The following ZNF589 variants were observed in gnomAD, a reference collection of about 807,000 sequenced individuals.
ZNF589 encodes zinc finger protein 589.
Under a neutral mutation model 13.6 loss-of-function variants are expected in ZNF589, and 17 were observed. The observed-to-expected ratio is 1.25, with a 90% CI of 0.86 to 1.88. The LOEUF (loss-of-function observed/expected upper bound fraction) is 1.88, where lower values mean the gene tolerates loss of function less well. Among genes scored for constraint, ZNF589 ranks in the 40% most tolerant of loss-of-function variants. The pLI is 0.00. For synonymous variants in ZNF589, 148 were observed against 161.6 expected (o/e 0.92, Z 0.64); for missense variants, 407 against 434.0 (o/e 0.94, Z 0.55).
At chr3:48,261,119 T>C (rs1371385986) in intron 3 of ZNF589, among the ~76,000 whole-genome samples, 180 bp downstream of exon 3, 4 of 152,110 alleles carry the variant, frequency 2.6e-5, no homozygotes, top group African/African-American at 4.8e-5. Context: ...AAGCAGCATA[T>C]ATAGGTAAAT....
intron 1 of ZNF589, among the ~76,000 whole-genome samples, chr3:48,243,066 C>CT (rs777522083): frequency 2.1e-5 from 3 of 144,360 alleles, no homozygotes; most frequent in Non-Finnish European, 3.0e-5. Context: ...GAATGAGACT[C>CT]TAAAAAAAAA....
At chr3:48,255,179 CTTT>C (rs375899065) in intron 2 of ZNF589, among the ~76,000 whole-genome samples, 1 of 136,296 alleles carries the variant, frequency 7.3e-6, no homozygotes, top group African/African-American at 2.7e-5. Context: ...GCTATTACTT[CTTT>C]TTTTTTTTTT....
intron 3 of ZNF589, among the ~76,000 whole-genome samples, chr3:48,262,982 G>A (rs2033982466): frequency 6.6e-6 from 1 of 152,182 alleles, no homozygotes; most frequent in African/African-American, 2.4e-5. Flanking sequence ...ATGTGTGTCT[G>A]CATTTGTAGC....
chr3:48,261,875 A>G (rs1467810420), intron 3 of ZNF589, among the ~76,000 whole-genome samples: 3 of 152,210 alleles, frequency 2.0e-5, no homozygotes, highest in East Asian at 1.9e-4. Context: ...TTAGCTTTCA[A>G]TTGGCCAATC....
chr3:48,254,644 CATT>C (rs1037037242), intron 2 of ZNF589, among the ~76,000 whole-genome samples: 1 of 152,078 alleles, frequency 6.6e-6, no homozygotes, highest in Non-Finnish European at 1.5e-5. Context: ...TTTCTTTCAT[CATT>C]GTTTGTAGTT....
chr3:48,259,028 A>G (rs1484507357), intron 2 of ZNF589, among the ~76,000 whole-genome samples: 2 of 152,194 alleles, frequency 1.3e-5, no homozygotes, highest in Non-Finnish European at 2.9e-5. Flanking sequence ...AAAAGGGGAA[A>G]GATCACTGAG....
intron 2 of ZNF589, 49 bp from the exon 3 acceptor site, chr3:48,260,764 G>T: frequency 6.2e-7 from 1 of 1,611,762 alleles, no homozygotes; most frequent in Non-Finnish European, 8.5e-7. Flanking sequence ...CATTTTCACT[G>T]TGAATCTTAA....
rs566906345 is a variant in ZNF589, at chr3:48,260,886, G to C, written c.170G>C (p.Arg57Thr). Residue 57 changes from arginine to threonine, a missense_variant, in exon 3 of 4, where the codon AGG (arginine) becomes ACG (threonine). Coordinates refer to ENST00000354698, the MANE Select transcript of ZNF589 (RefSeq NM_016089.3). ...AEWKRLSLEQ[R>T]NLYKEVMLEN... is the part of the protein sequence containing the mutation. ...TGGAAGAGACTGAGCCTTGAGCAGA[G>C]GAACCTATACAAAGAAGTGATGCTG... The C allele has an allele frequency of 2.5e-5, 41 of 1,614,154 alleles. No homozygotes were observed. The highest frequency in any genetic ancestry group is 3.3e-4 in the Middle Eastern group (2 of 6,062).
chr3:48,253,590 C>T (rs1437053709), intron 2 of ZNF589, among the ~76,000 whole-genome samples: 1 of 151,650 alleles, frequency 6.6e-6, no homozygotes, highest in Non-Finnish European at 1.5e-5. Context: ...AGCTCTGCCT[C>T]CCGGGTCCAC....
chr3:48,260,023 T>G (rs568360770), intron 2 of ZNF589, among the ~76,000 whole-genome samples: 2 of 152,150 alleles, frequency 1.3e-5, no homozygotes, highest in Non-Finnish European at 2.9e-5. Flanking sequence ...TCAGTAGAAG[T>G]TGATTGGTGA....
At chr3:48,244,193 G>A (rs552706854) in intron 1 of ZNF589, among the ~76,000 whole-genome samples, 5 of 152,234 alleles carry the variant, frequency 3.3e-5, no homozygotes, top group Non-Finnish European at 7.4e-5. Context: ...CTGTCCCTCT[G>A]GAAGGGAGAG....
At chr3:48,251,410 A>T (rs1337995457) in intron 2 of ZNF589, among the ~76,000 whole-genome samples, 1 of 150,584 alleles carries the variant, frequency 6.6e-6, no homozygotes, top group Non-Finnish European at 1.5e-5. Flanking sequence ...AAAAAAAAAA[A>T]TTAGCTGGGC....
At position 48,269,307 on chromosome 3, in the gene ZNF589, C is replaced by A; in HGVS notation, c.*521C>A. On this transcript the variant is annotated 3_prime_UTR_variant, in exon 4 of 4. Coordinates refer to ENST00000354698, the MANE Select transcript of ZNF589 (RefSeq NM_016089.3). ...GGAGAGTGTGGGCGAGGCTTTATAG[C>A]TCAGTCAACCCTCCACTACCACCGG... is the stretch of plus-strand genomic sequence containing the variant. The A allele has an allele frequency of 6.8e-7, 1 of 1,470,022 alleles. No individual in the cohort carries two copies. The allele number at this position is 1,470,022 out of a possible 1,614,324, so 91.1% of individuals were successfully genotyped here. A position where few individuals can be genotyped will look rare whatever the true frequency, so the allele number is the denominator to read the frequency against.
At chr3:48,252,316 C>G (rs1218784573) in intron 2 of ZNF589, among the ~76,000 whole-genome samples, 2 of 151,878 alleles carry the variant, frequency 1.3e-5, no homozygotes, top group Non-Finnish European at 2.9e-5. Flanking sequence ...CTCAGCCTCC[C>G]TAGTAGCTGG....
intron 2 of ZNF589, among the ~76,000 whole-genome samples, chr3:48,258,718 G>T (rs2033935949): frequency 6.6e-6 from 1 of 152,172 alleles, no homozygotes; most frequent in Non-Finnish European, 1.5e-5. Flanking sequence ...TCATTATCAA[G>T]CCCATTTTAT....
intron 2 of ZNF589, among the ~76,000 whole-genome samples, chr3:48,259,329 CT>C (rs2033943485): frequency 6.6e-6 from 1 of 152,244 alleles, no homozygotes; most frequent in Non-Finnish European, 1.5e-5. Context: ...TGCTTCTGCA[CT>C]TCTGTGCTGG....
At position 48,268,887 on chromosome 3, in the gene ZNF589, C is replaced by T; in HGVS notation, c.*101C>T. The T allele has an allele frequency of 6.8e-7, 1 of 1,460,380 alleles. No individual in the cohort carries two copies. Among genetic ancestry groups the T allele is most frequent in the Non-Finnish European group, 9.3e-7 (1 of 1,077,430 alleles). 90.5% of individuals were successfully genotyped at this position (1,460,380 alleles called of 1,614,324 possible). A position where few individuals can be genotyped will look rare whatever the true frequency, so the allele number is the denominator to read the frequency against. ...AGAGAGTGTGGGCGAGGCTTTCGTGCTAAATCAACTCTCCTCCTACACCAG... is the reference window on the plus strand; with the variant it reads ...AGAGAGTGTGGGCGAGGCTTTCGTGTTAAATCAACTCTCCTCCTACACCAG... On this transcript the variant is annotated 3_prime_UTR_variant, in exon 4 of 4. Transcript: ENST00000354698.
Position 48,268,449 on chromosome 3 carries a change from G to C in ZNF589, c.758G>C (p.Cys253Ser). Reference protein sequence around the residue: ...DKRQSQVCRECGRGFSRKSQL... With the variant: ...DKRQSQVCRESGRGFSRKSQL... ...AGGCAGTCACAGGTGTGCAGGGAGTGTGGGCGAGGCTTTAGCAGGAAGTCA... is the reference window on the plus strand; with the variant it reads ...AGGCAGTCACAGGTGTGCAGGGAGTCTGGGCGAGGCTTTAGCAGGAAGTCA... Residue 253 changes from cysteine (C) to serine (S), a missense_variant, in exon 4 of 4, where the codon TGT becomes TCT. Cys to Ser is a moderately radical substitution (Grantham distance 112). Transcript: ENST00000354698. 1 of 1,614,220 alleles carries C rather than the reference G, an allele frequency of 6.2e-7. No homozygotes were observed.
Position 48,269,994 on chromosome 3 carries a change from T to C in ZNF589, c.*1208T>C, listed in dbSNP as rs949094016. On this transcript the variant is annotated 3_prime_UTR_variant, in exon 4 of 4. Transcript: ENST00000354698. ...TTTTGACCCCTTACATTCCTTTAGA[T>C]GTGAAGATGACAGAGATCTAACTTC... 4.4e-6 allele frequency: 2 copies of C among 456,850 alleles called. No homozygotes were observed. The highest frequency in any genetic ancestry group is 8.8e-6 in the Non-Finnish European group (2 of 226,916). The allele number at this position is 456,850 out of a possible 1,614,324, so 28.3% of individuals were successfully genotyped here.
Sources: allele counts gnomAD v4.1 joint callset (sites outside exome capture counted in the v4.1 genomes callset), GRCh38; gene constraint gnomAD v4.1.1; transcripts MANE v1.5; gene names NCBI Gene and HGNC (gene_info 2026-07-23, HGNC 2026-07-21).